Variants in PSTPIP1 observed in about 807,000 individuals in gnomAD.
PSTPIP1 encodes proline-serine-threonine phosphatase-interacting protein 1.
A neutral mutation model predicts 69.6 loss-of-function variants in PSTPIP1; 66 were observed. The observed-to-expected ratio is 0.95, with a 90% CI of 0.78 to 1.16. PSTPIP1 has a LOEUF of 1.16. Ranked by LOEUF, PSTPIP1 falls within the 50% of genes most tolerant of loss-of-function variation. PSTPIP1 has a pLI of 0.00. For missense variants in PSTPIP1, 603 were observed against 557.4 expected (o/e 1.08, Z -0.82); for synonymous variants, 266 against 222.7 (o/e 1.19, Z -1.73).
rs867293179 is a variant in PSTPIP1 at position 76,995,421 on chromosome 15, C to A, written c.-153C>A. 6.7e-7 allele frequency: 1 copy of A among 1,494,760 alleles called. No individual in the cohort carries two copies. Among genetic ancestry groups the A allele is most frequent in the African/African-American group, 1.4e-5 (1 of 71,480 alleles). 92.6% of individuals were successfully genotyped at this position (1,494,760 alleles called of 1,614,324 possible). A position where few individuals can be genotyped will look rare whatever the true frequency, so the allele number is the denominator to read the frequency against. ...TCCCCTCAGAAGCTCCTCTCTGGCTCGTGGCTGCCTTCTGAGTGTTGCAGA... is the reference window on the plus strand; with the variant it reads ...TCCCCTCAGAAGCTCCTCTCTGGCTAGTGGCTGCCTTCTGAGTGTTGCAGA... On this transcript the variant is annotated 5_prime_UTR_variant, in exon 1 of 15. Transcript: ENST00000558012.
In PSTPIP1 at chr15:77,027,965, T is replaced by A; in HGVS notation, c.417+51T>A. ...GCCTTCCCTCGAGGAGCAGCGCAGG[T>A]CTCAGGGTGCGATCCTGGGCTGTGG... On this transcript the variant is annotated intron_variant, in intron 6 of 14. Transcript: ENST00000558012. The surrounding 1 kb of genome is among the most constrained non-coding windows in gnomAD (Gnocchi z 4.3). 1 of 1,468,538 alleles carries A rather than the reference T, an allele frequency of 6.8e-7. No individual in the cohort carries two copies. The highest frequency in any genetic ancestry group is 9.3e-7 in the Non-Finnish European group (1 of 1,073,746). The allele number at this position is 1,468,538 out of a possible 1,614,324, so 91.0% of individuals were successfully genotyped here. A position where few individuals can be genotyped will look rare whatever the true frequency, so the allele number is the denominator to read the frequency against.
rs558525924 is a variant in PSTPIP1 at position 76,996,790 on chromosome 15, T to A, written c.36+1181T>A. 1.9e-4 allele frequency among the ~76,000 whole-genome samples: 29 copies of A among 152,344 alleles called. No individual in the cohort carries two copies. The East Asian group carries it at 3.9e-3, about 20-fold the overall frequency. ...GGTGGGCCCAGCCCAGAGAAGCCAA[T>A]GGAGGCAGAGCTGCCTCAGCCCATC... On this transcript the variant is annotated intron_variant, in intron 1 of 14. Transcript: ENST00000558012.
chr15:77,004,753 G>A (rs1206736307), intron 1 of PSTPIP1, among the ~76,000 whole-genome samples: 1 of 151,852 alleles, frequency 6.6e-6, no homozygotes, highest in Non-Finnish European at 1.5e-5. Context: ...TCAGCTACTT[G>A]GGAAGCTGGA....
intron 13 of PSTPIP1, 42 bp from the exon 14 acceptor site, chr15:77,035,760 G>C (rs1472238945): frequency 1.4e-6 from 2 of 1,430,360 alleles, no homozygotes; most frequent in Non-Finnish European, 1.8e-6. Flanking sequence ...AGGGGCCAGT[G>C]TCCCCAGAAG....
intron 3 of PSTPIP1, among the ~76,000 whole-genome samples, chr15:77,023,242 A>G (rs2076201200): frequency 6.6e-6 from 1 of 152,274 alleles, no homozygotes; most frequent in African/African-American, 2.4e-5. Context: ...CTCATGGTTC[A>G]GCTGCGTGAC....
intron 1 of PSTPIP1, among the ~76,000 whole-genome samples, chr15:77,015,620 A>AT (rs2076032751): frequency 6.6e-6 from 1 of 152,134 alleles, no homozygotes; most frequent in South Asian, 2.1e-4. Flanking sequence ...CACATGACTG[A>AT]TTAAGTTACA....
At chr15:77,010,180 C>G (rs980353699) in intron 1 of PSTPIP1, among the ~76,000 whole-genome samples, 1 of 152,326 alleles carries the variant, frequency 6.6e-6, no homozygotes, top group South Asian at 2.1e-4. Flanking sequence ...TCCTAGTGAG[C>G]CTCCAACTGC....
At chr15:77,034,683 C>G (rs2076511684) in intron 12 of PSTPIP1, among the ~76,000 whole-genome samples, 1 of 152,204 alleles carries the variant, frequency 6.6e-6, no homozygotes, top group African/African-American at 2.4e-5. Context: ...GCTCCCCCTT[C>G]TCTCCTAGTA....
Position 77,034,037 on chromosome 15 carries a change from T to TAG in PSTPIP1, c.929+1101_929+1102dup, listed in dbSNP as rs139918038. Among the ~76,000 whole-genome samples, 140 of 150,094 alleles carry TAG rather than the reference T, an allele frequency of 9.3e-4. 1 individual carries two copies. The highest frequency in any genetic ancestry group is 2.0e-3 in the Admixed American group (30 of 15,088). On this transcript the variant is annotated intron_variant, in intron 12 of 14. Coordinates refer to ENST00000558012, the MANE Select transcript of PSTPIP1 (RefSeq NM_003978.5). ...AGAAAGGAGTGGCCCCAGAGAGGAT[T>TAG]AGAGAGAGAGAGAGAGATGTCCTGC...
At chr15:77,020,878 G>T (rs200778419) in intron 3 of PSTPIP1, among the ~76,000 whole-genome samples, 15 of 144,354 alleles carry the variant, frequency 1.0e-4, no homozygotes, top group Admixed American at 2.8e-4. Flanking sequence ...TGGGGGGGGG[G>T]GGTGTGTGTG....
rs369123276 is a variant in PSTPIP1 at position 77,037,179 on chromosome 15, A to G, written c.*3A>G. 2.5e-5 allele frequency: 40 copies of G among 1,598,942 alleles called. No individual in the cohort carries two copies. In the African/African-American group the frequency reaches 5.1e-4, roughly 20 times the overall value. ...GTTCCTACCTGGAGAAGCTTTGAGG[A>G]AGGGCCAGGAGCCCCTTCGGACCTG... is the stretch of plus-strand genomic sequence containing the variant. On this transcript the variant is annotated 3_prime_UTR_variant, in exon 15 of 15. Coordinates refer to ENST00000558012, the MANE Select transcript of PSTPIP1 (RefSeq NM_003978.5).
At chr15:77,025,020 G>T (rs1349050050) in intron 3 of PSTPIP1, among the ~76,000 whole-genome samples, 1 of 152,184 alleles carries the variant, frequency 6.6e-6, no homozygotes. Flanking sequence ...CACAGATGGT[G>T]GGGGCCTTCG....
chr15:77,033,434 G>A (rs1315577614), intron 12 of PSTPIP1, among the ~76,000 whole-genome samples: 2 of 152,184 alleles, frequency 1.3e-5, no homozygotes, highest in Non-Finnish European at 2.9e-5. Context: ...CTAAGGCCAG[G>A]GCCCTGAGTG....
chr15:77,035,950 C>T lies in PSTPIP1; in HGVS notation c.1119+15C>T, dbSNP rs755168700. ...ATACAGCGCAGGTGAGGCCTCTATA[C>T]CCCAAACCCACCTGTGCCACCTCCC... is the stretch of plus-strand genomic sequence containing the variant. On this transcript the variant is annotated intron_variant, in intron 14 of 14. Transcript: ENST00000558012. 24 of 1,580,148 alleles carry T rather than the reference C, an allele frequency of 1.5e-5. No individual in the cohort carries two copies. In the Admixed American group the frequency reaches 3.8e-4, roughly 25 times the overall value.
chr15:77,036,001 T>A (rs1417159923), intron 14 of PSTPIP1, 66 bp downstream of exon 14: 3 of 1,499,324 alleles, frequency 2.0e-6, no homozygotes, highest in Non-Finnish European at 2.7e-6. Flanking sequence ...CCCTCTCCCA[T>A]CCAGTGCCTT....
intron 12 of PSTPIP1, among the ~76,000 whole-genome samples, chr15:77,034,169 CAG>C (rs1268648599): frequency 6.8e-5 from 10 of 146,190 alleles, no homozygotes; most frequent in African/African-American, 2.6e-4. Context: ...GACTGGGAGT[CAG>C]AAGTGTAGAC....
At chr15:77,018,815 A>T (rs914743963) in intron 3 of PSTPIP1, among the ~76,000 whole-genome samples, 17 of 152,162 alleles carry the variant, frequency 1.1e-4, no homozygotes, top group South Asian at 2.1e-4. Context: ...GGTGGCCTCC[A>T]CTGAAGTCCT....
At chr15:77,001,941 T>G (rs1384522941) in intron 1 of PSTPIP1, among the ~76,000 whole-genome samples, 4 of 152,232 alleles carry the variant, frequency 2.6e-5, no homozygotes, top group Non-Finnish European at 4.4e-5. Flanking sequence ...ACTGTTTGAT[T>G]TTTGAACCAT....
chr15:77,031,373 C>T, intron 10 of PSTPIP1, 95 bp downstream of exon 10: 4 of 1,326,304 alleles, frequency 3.0e-6, no homozygotes, highest in Non-Finnish European at 4.3e-6. Context: ...AGCACCTGGT[C>T]CTCTGTGATC....
Sources: allele counts gnomAD v4.1 joint callset (sites outside exome capture counted in the v4.1 genomes callset), GRCh38; gene constraint gnomAD v4.1.1; non-coding constraint Gnocchi (gnomAD v3.1); transcripts MANE v1.5; gene names NCBI Gene and HGNC (gene_info 2026-07-23, HGNC 2026-07-21).